The following CSGALNACT1 variants were observed in gnomAD, a reference collection of about 807,000 sequenced individuals.
CSGALNACT1 encodes the protein beta4GalNAcT-1.
CSGALNACT1 carries 52 observed loss-of-function variants against 51.0 expected under a neutral mutation model. That is an observed-to-expected ratio of 1.02 (90% CI 0.82 to 1.29). The LOEUF is 1.29. CSGALNACT1 is among the 50% of genes most tolerant of loss of function. The pLI is 0.00. For synonymous variants in CSGALNACT1, 341 were observed against 254.4 expected (o/e 1.34, Z -3.24); for missense variants, 935 against 679.2 (o/e 1.38, Z -4.19).
At chr8:19,544,759 G>T (rs1158261242) in intron 3 of CSGALNACT1, among the ~76,000 whole-genome samples, 1 of 152,112 alleles carries the variant, frequency 6.6e-6, no homozygotes, top group Admixed American at 6.5e-5. Context: ...TGATTCTTTT[G>T]TACAGTTTTA....
chr8:19,622,302 C>G (rs1019933494), intron 1 of CSGALNACT1, among the ~76,000 whole-genome samples: 2 of 152,102 alleles, frequency 1.3e-5, no homozygotes, highest in African/African-American at 4.8e-5. Context: ...GATGTAATTC[C>G]AAGCACTATC....
At chr8:19,726,675 G>T (rs960061586) in intron 1 of CSGALNACT1, among the ~76,000 whole-genome samples, 1 of 152,052 alleles carries the variant, frequency 6.6e-6, no homozygotes. Context: ...TTTTTAGAAT[G>T]AGTATAAAGT....
chr8:19,666,875 AAG>A (rs1319822277), intron 1 of CSGALNACT1, among the ~76,000 whole-genome samples: 2 of 126,308 alleles, frequency 1.6e-5, no homozygotes, highest in East Asian at 2.1e-4. Context: ...GAAAGAAAGA[AAG>A]AAAGAAAGAG....
chr8:19,523,174 C>T (rs976837929), intron 3 of CSGALNACT1, among the ~76,000 whole-genome samples: 5 of 152,124 alleles, frequency 3.3e-5, no homozygotes, highest in Admixed American at 1.3e-4. Flanking sequence ...GAAAGAGGGG[C>T]GGGGCACCAC....
At chr8:19,425,285 G>A (rs2153708456) in intron 6 of CSGALNACT1, among the ~76,000 whole-genome samples, 1 of 152,276 alleles carries the variant, frequency 6.6e-6, no homozygotes, top group South Asian at 2.1e-4. Flanking sequence ...AGGTTGCTGT[G>A]AGCCGAGATC....
At chr8:19,407,397 C>A (rs998345006) in intron 9 of CSGALNACT1, among the ~76,000 whole-genome samples, 1 of 152,138 alleles carries the variant, frequency 6.6e-6, no homozygotes, top group Non-Finnish European at 1.5e-5. Flanking sequence ...ACGCTCCATG[C>A]CACACCCTGA....
At chr8:19,609,105 G>A (rs1182065899) in intron 1 of CSGALNACT1, among the ~76,000 whole-genome samples, 1 of 151,522 alleles carries the variant, frequency 6.6e-6, no homozygotes. Context: ...CCATGAAAAT[G>A]AAAACTTTGT....
intron 3 of CSGALNACT1, among the ~76,000 whole-genome samples, chr8:19,524,829 TAAC>T (rs1368971005): frequency 1.3e-5 from 2 of 151,866 alleles, no homozygotes; most frequent in Non-Finnish European, 2.9e-5. Context: ...AACAAGAACA[TAAC>T]AAAACAAGGT....
intron 8 of CSGALNACT1, among the ~76,000 whole-genome samples, chr8:19,411,593 C>A (rs1255079151): frequency 6.6e-6 from 1 of 152,130 alleles, no homozygotes; most frequent in Non-Finnish European, 1.5e-5. Context: ...TGGCTCTGGA[C>A]CAAGAGACAA....
chr8:19,585,622 G>A (rs916578784), intron 3 of CSGALNACT1, among the ~76,000 whole-genome samples: 4 of 152,150 alleles, frequency 2.6e-5, no homozygotes, highest in African/African-American at 9.7e-5. Context: ...ATTGGTAATT[G>A]TAAAAACCCA....
At chr8:19,505,312 C>T (rs1448344342) in exon 4 of CSGALNACT1, 1 of 1,614,088 alleles carries the variant, frequency 6.2e-7, no homozygotes, top group African/African-American at 1.3e-5. Context: ...TCCCGCTTGT[C>T]CTTCCTCACA....
chr8:19,677,479 C>G (rs2060280126), intron 1 of CSGALNACT1, among the ~76,000 whole-genome samples: 1 of 152,090 alleles, frequency 6.6e-6, no homozygotes, highest in East Asian at 1.9e-4. Context: ...AGAAGAAAAA[C>G]TAATGGTACC....
At chr8:19,421,181 G>A (rs1015843648) in intron 6 of CSGALNACT1, among the ~76,000 whole-genome samples, 2 of 152,222 alleles carry the variant, frequency 1.3e-5, no homozygotes, top group African/African-American at 4.8e-5. Context: ...CTAAATAGGT[G>A]TAGTAACACC....
chr8:19,408,977 C>CACACACACACACAA (rs1319492249), intron 8 of CSGALNACT1, among the ~76,000 whole-genome samples: 9 of 151,670 alleles, frequency 5.9e-5, no homozygotes, highest in Non-Finnish European at 1.2e-4. Context: ...CACACACACA[C>CACACACACACACAA]AATCAAAAAC....
chr8:19,406,692 A>G (rs994824446), intron 9 of CSGALNACT1, among the ~76,000 whole-genome samples: 8 of 150,936 alleles, frequency 5.3e-5, no homozygotes, highest in Non-Finnish European at 1.0e-4. Flanking sequence ...GAAACCTCTG[A>G]ATGCAGATTC....
chr8:19,706,166 G>A (rs532590172), intron 1 of CSGALNACT1, among the ~76,000 whole-genome samples: 62 of 152,270 alleles, frequency 4.1e-4, no homozygotes, highest in African/African-American at 1.4e-3. Context: ...GCTGTGTGAG[G>A]CCTTATGTCT....
rs200686829 is a variant in CSGALNACT1 at position 19,458,472 on chromosome 8, G to A, written c.805C>T (p.Leu269=). The A allele has an allele frequency of 1.4e-5, 22 of 1,614,158 alleles. No individual in the cohort carries two copies. In the East Asian group the frequency reaches 4.5e-4, roughly 33 times the overall value. Residue 269 remains leucine (L), a synonymous_variant, in exon 5 of 10, where the codon CTA becomes TTA. Coordinates refer to ENST00000454498, the Ensembl canonical transcript of CSGALNACT1. ...CGGAACTTGTCCACCCTTTTTGCTAGAGGCACGATAACATTGATAAGCGTG... is the reference window on the plus strand; with the variant it reads ...CGGAACTTGTCCACCCTTTTTGCTAAAGGCACGATAACATTGATAAGCGTG...
At chr8:19,445,352 A>G (rs188187507) in intron 5 of CSGALNACT1, among the ~76,000 whole-genome samples, 2 of 152,330 alleles carry the variant, frequency 1.3e-5, no homozygotes, top group Admixed American at 6.5e-5. Context: ...GTCACCTGCT[A>G]AGTGTGAAGA....
At chr8:19,688,336 G>A (rs1157146634) in intron 1 of CSGALNACT1, among the ~76,000 whole-genome samples, 9 of 152,152 alleles carry the variant, frequency 5.9e-5, no homozygotes, top group African/African-American at 2.2e-4. Context: ...CCACATGGGA[G>A]ATTGATTCTG....
Sources: gnomAD v4.1 joint callset for allele counts (sites outside exome capture counted in the v4.1 genomes callset) on GRCh38, gnomAD v4.1.1 for gene constraint, MANE v1.5 for transcripts, NCBI Gene and HGNC (gene_info 2026-07-23, HGNC 2026-07-21) for gene names.